The following NUDT7 variants were observed in gnomAD, a reference collection of about 807,000 sequenced individuals.
NUDT7 encodes the protein peroxisomal coenzyme A diphosphatase NUDT7.
In NUDT7, 19 loss-of-function variants were observed where a neutral mutation model predicts 13.1. The observed-to-expected ratio is 1.45, with a 90% CI of 1.01 to 2.13. The LOEUF (loss-of-function observed/expected upper bound fraction) is 2.13, where lower values mean the gene tolerates loss of function less well. Ranked by LOEUF, NUDT7 falls within the 30% of genes most tolerant of loss-of-function variation. The pLI, the probability that NUDT7 is intolerant of heterozygous loss-of-function variation, is 0.00. For synonymous variants in NUDT7, 132 were observed against 109.7 expected (o/e 1.20, Z -1.27); for missense variants, 360 against 291.7 (o/e 1.23, Z -1.71).
intron 3 of NUDT7, among the ~76,000 whole-genome samples, chr16:77,740,727 T>C (rs1443917081): frequency 6.6e-6 from 1 of 151,594 alleles, no homozygotes; most frequent in African/African-American, 2.4e-5. Context: ...TGTGTATTTT[T>C]AGTAGAGACG....
In NUDT7 at chr16:77,725,418, G is replaced by C. The variant is rs74026804; in HGVS notation, c.36-13G>C. The C allele has an allele frequency of 2.1e-3, 3,436 of 1,604,680 alleles. 64 individuals carry two copies. In the African/African-American group the frequency reaches 0.04, roughly 19 times the overall value. ...GCTTGCTAAAATGTCTGTCTGGTTT[G>C]TTTTTATTTTAGAAACAGTTTGCTA... On this transcript the variant is annotated splice_polypyrimidine_tract_variant and intron_variant, in intron 1 of 3. Transcript: ENST00000268533.
chr16:77,734,594 C>A (rs1250876839), intron 2 of NUDT7, among the ~76,000 whole-genome samples: 2 of 152,028 alleles, frequency 1.3e-5, no homozygotes, highest in Admixed American at 1.3e-4. Flanking sequence ...TGCACTCCAG[C>A]GTGGGACACA....
At chr16:77,734,518 G>C (rs1001981341) in intron 2 of NUDT7, among the ~76,000 whole-genome samples, 1 of 152,130 alleles carries the variant, frequency 6.6e-6, no homozygotes, top group East Asian at 1.9e-4. Flanking sequence ...AGCTACTCAG[G>C]AAGCTGAGGC....
intron 3 of NUDT7, 113 bp from the exon 4 acceptor site, chr16:77,741,469 C>A: frequency 8.9e-7 from 1 of 1,124,264 alleles, no homozygotes; most frequent in East Asian, 2.4e-5. Context: ...GCTTTCTTCC[C>A]CTTCTCCCAG....
Position 77,734,690 on chromosome 16 carries a change from T to G in NUDT7, c.190-1138T>G, listed in dbSNP as rs147292967. On this transcript the variant is annotated intron_variant, in intron 2 of 3. Coordinates refer to ENST00000268533, the MANE Select transcript of NUDT7 (RefSeq NM_001105663.3). ...GAGTGGATAAACAAACTGTGATCTA[T>G]ACACACAATAGAATACTATTCAGCC... 9.6e-3 allele frequency among the ~76,000 whole-genome samples: 1,453 copies of G among 152,086 alleles called. 12 individuals are homozygous for G. Among genetic ancestry groups the G allele is most frequent in the Non-Finnish European group, 0.014 (957 of 68,020 alleles).
Position 77,741,409 on chromosome 16 carries a change from A to G in NUDT7, c.349-173A>G, listed in dbSNP as rs1022351037. 1.5e-5 allele frequency: 9 copies of G among 603,600 alleles called. No individual in the cohort carries two copies. In the African/African-American group the frequency reaches 1.7e-4, roughly 11 times the overall value. 37.4% of individuals were successfully genotyped at this position (603,600 alleles called of 1,614,324 possible). On this transcript the variant is annotated intron_variant, in intron 3 of 3. Coordinates refer to ENST00000268533, the MANE Select transcript of NUDT7 (RefSeq NM_001105663.3). ...ATCTCATAGATGTCACCTCAGGTAG[A>G]GCAGGATGACTCCCATTTTAGGGGG...
chr16:77,736,039 T>A, intron 3 of NUDT7, 53 bp downstream of exon 3: 1 of 1,526,030 alleles, frequency 6.6e-7, no homozygotes, highest in South Asian at 1.1e-5. Flanking sequence ...CAGGTGGATC[T>A]ACTGTTCTCA....
At chr16:77,727,460 C>G (rs11864757) in intron 2 of NUDT7, among the ~76,000 whole-genome samples, 4 of 152,280 alleles carry the variant, frequency 2.6e-5, no homozygotes, top group Admixed American at 6.5e-5. Context: ...GATAGAAATC[C>G]AGGTTCCAGG....
intron 2 of NUDT7, among the ~76,000 whole-genome samples, chr16:77,730,032 T>C (rs1020757785): frequency 1.3e-5 from 2 of 151,904 alleles, no homozygotes; most frequent in Non-Finnish European, 2.9e-5. Context: ...TGGTAACATA[T>C]CACCACACAC....
intron 2 of NUDT7, chr16:77,735,363 C>A: frequency 5.6e-6 from 3 of 532,196 alleles, no homozygotes; most frequent in South Asian, 5.9e-5. Context: ...TGTGTAGCAC[C>A]TCCCCTCCCT....
At chr16:77,733,883 C>T (rs1456643326) in intron 2 of NUDT7, among the ~76,000 whole-genome samples, 1 of 152,170 alleles carries the variant, frequency 6.6e-6, no homozygotes, top group East Asian at 1.9e-4. Flanking sequence ...TGAGGTCACT[C>T]TGCTGAGATA....
rs78875796 is a variant in NUDT7 at position 77,735,257 on chromosome 16, C to T, written c.190-571C>T. On this transcript the variant is annotated intron_variant, in intron 2 of 3. Coordinates refer to ENST00000268533, the MANE Select transcript of NUDT7 (RefSeq NM_001105663.3). ...TAAACCCCAATATTGGACCTGGGGC[C>T]TGGTGGGAGGTGATTTGATCACGTG... 7.8e-3 allele frequency: 3,128 copies of T among 402,778 alleles called. 20 individuals are homozygous for T. Among genetic ancestry groups the T allele is most frequent in the Middle Eastern group, 0.016 (25 of 1,606 alleles). 25.0% of individuals were successfully genotyped at this position (402,778 alleles called of 1,614,324 possible). A position where few individuals can be genotyped will look rare whatever the true frequency, so the allele number is the denominator to read the frequency against.
chr16:77,732,916 A>T (rs1339652529), intron 2 of NUDT7, among the ~76,000 whole-genome samples: 1 of 152,196 alleles, frequency 6.6e-6, no homozygotes, highest in Non-Finnish European at 1.5e-5. Flanking sequence ...ACTGTTTCAG[A>T]GTTGCTGTAA....
At chr16:77,727,382 C>T (rs7185892) in intron 2 of NUDT7, among the ~76,000 whole-genome samples, 52,749 of 151,894 alleles carry the variant, frequency 0.35, 10,714 homozygotes, top group African/African-American at 0.58. Context: ...GTTTTGTGGA[C>T]GTGGAAGTAG....
chr16:77,723,214 G>A (rs577652112), intron 1 of NUDT7, among the ~76,000 whole-genome samples: 15 of 152,312 alleles, frequency 9.8e-5, no homozygotes, highest in African/African-American at 3.1e-4. Flanking sequence ...GGTCAGTTCT[G>A]TGGTTTCCGG....
intron 3 of NUDT7, among the ~76,000 whole-genome samples, chr16:77,739,014 G>GT (rs2145128292): frequency 6.6e-6 from 1 of 152,306 alleles, no homozygotes; most frequent in East Asian, 1.9e-4. Flanking sequence ...CTAGGTGCCC[G>GT]TAAGTTGTGG....
At chr16:77,737,346 A>G (rs1353712065) in intron 3 of NUDT7, 2 of 152,224 alleles carry the variant, frequency 1.3e-5, no homozygotes, top group African/African-American at 4.8e-5. Flanking sequence ...GGTATTTTAT[A>G]GAATGTTCCC....
chr16:77,730,179 G>T (rs984174588), intron 2 of NUDT7, among the ~76,000 whole-genome samples: 1 of 152,086 alleles, frequency 6.6e-6, no homozygotes, highest in African/African-American at 2.4e-5. Context: ...CAAGAATACA[G>T]TATGTTAACT....
At chr16:77,737,533 TG>T (rs2014527191) in intron 3 of NUDT7, 1 of 152,136 alleles carries the variant, frequency 6.6e-6, no homozygotes, top group South Asian at 2.1e-4. Context: ...TCGCCCGGGC[TG>T]GAGTGCAGTG....
Sources: allele counts gnomAD v4.1 joint callset (sites outside exome capture counted in the v4.1 genomes callset), GRCh38; gene constraint gnomAD v4.1.1; transcripts MANE v1.5; gene names NCBI Gene and HGNC (gene_info 2026-07-23, HGNC 2026-07-21).